Variants in NARS2 observed in about 807,000 individuals in gnomAD.
NARS2 encodes asparaginyl-tRNA synthetase.
A neutral mutation model predicts 62.9 loss-of-function variants in NARS2; 60 were observed. The ratio of observed to expected loss-of-function variants is 0.95; its 90% confidence interval spans 0.77 to 1.18. The LOEUF is 1.18. Ranked by LOEUF, NARS2 falls within the 50% of genes most tolerant of loss-of-function variation. NARS2 has a pLI of 0.00. For missense variants in NARS2, 619 were observed against 576.4 expected (o/e 1.07, Z -0.76); for synonymous variants, 196 against 200.0 (o/e 0.98, Z 0.17).
chr11:78,559,412 G>A, intron 5 of NARS2, 127 bp downstream of exon 5: 1 of 631,324 alleles, frequency 1.6e-6, no homozygotes, highest in African/African-American at 1.8e-5. Flanking sequence ...GTTTTTCAAG[G>A]ATTTTTATTG....
chr11:78,563,566 C>T (rs1856623366), intron 4 of NARS2, among the ~76,000 whole-genome samples: 1 of 151,174 alleles, frequency 6.6e-6, no homozygotes, highest in Non-Finnish European at 1.5e-5. Flanking sequence ...GGGTTGGTGG[C>T]TCACGCCCGC....
At chr11:78,527,579 C>G (rs1288608136) in intron 6 of NARS2, among the ~76,000 whole-genome samples, 2 of 152,236 alleles carry the variant, frequency 1.3e-5, no homozygotes, top group African/African-American at 4.8e-5. Context: ...CCACCACTGA[C>G]TTTCCATTCT....
At position 78,539,241 on chromosome 11, in the gene NARS2, G is replaced by T. The variant is rs117553116; in HGVS notation, c.595-10305C>A. On this transcript the variant is annotated intron_variant, in intron 5 of 13. Transcript: ENST00000281038. The stretch of plus-strand genomic sequence containing the variant: ...AGGGGCACCAATCAGAAGACAAGAA[G>T]AGTAGCTTGAATTAAACTGGTAACA... 9.2e-5 allele frequency among the ~76,000 whole-genome samples: 14 copies of T among 151,978 alleles called. No homozygotes were observed. The East Asian group carries it at 2.7e-3, about 30-fold the overall frequency.
intron 6 of NARS2, among the ~76,000 whole-genome samples, chr11:78,515,010 G>A (rs1266647230): frequency 6.6e-6 from 1 of 152,156 alleles, no homozygotes; most frequent in Non-Finnish European, 1.5e-5. Context: ...GGGGCCTTCA[G>A]TGGACAAGAG....
intron 7 of NARS2, among the ~76,000 whole-genome samples, chr11:78,483,143 T>G (rs1859429656): frequency 1.3e-5 from 2 of 152,218 alleles, no homozygotes; most frequent in South Asian, 2.1e-4. Context: ...AAAAACCACA[T>G]GATTACCTCA....
intron 5 of NARS2, among the ~76,000 whole-genome samples, chr11:78,549,732 G>C (rs892997839): frequency 1.3e-5 from 2 of 152,158 alleles, no homozygotes; most frequent in African/African-American, 4.8e-5. Flanking sequence ...TAAGAGGTGG[G>C]TGTGGTCAGG....
intron 9 of NARS2, among the ~76,000 whole-genome samples, chr11:78,471,183 T>A (rs1397348334): frequency 6.6e-6 from 1 of 152,168 alleles, no homozygotes; most frequent in African/African-American, 2.4e-5. Context: ...TAATAACGAT[T>A]TTAAAATTAG....
At chr11:78,469,455 T>A in intron 9 of NARS2, 142 bp from the exon 10 acceptor site, 1 of 624,764 alleles carries the variant, frequency 1.6e-6, no homozygotes, top group Non-Finnish European at 2.9e-6. Flanking sequence ...TCTAATCCTA[T>A]GAAAGAATGA....
At chr11:78,523,226 C>T (rs1222612448) in intron 6 of NARS2, among the ~76,000 whole-genome samples, 1 of 152,102 alleles carries the variant, frequency 6.6e-6, no homozygotes, top group East Asian at 1.9e-4. Context: ...ATGATGAAAA[C>T]CCATCATTAG....
chr11:78,505,723 T>G (rs555983022), intron 6 of NARS2, among the ~76,000 whole-genome samples: 1 of 152,198 alleles, frequency 6.6e-6, no homozygotes, highest in African/African-American at 2.4e-5. Context: ...AAAAAGTTTA[T>G]AGACTAGCAG....
intron 3 of NARS2, 114 bp downstream of exon 3, chr11:78,568,518 T>C (rs1856814207): frequency 7.7e-7 from 1 of 1,301,508 alleles, no homozygotes; most frequent in East Asian, 2.4e-5. Flanking sequence ...GTTTCAATTA[T>C]CTGTCACAAA....
chr11:78,449,353 G>A (rs1416477130), intron 11 of NARS2, among the ~76,000 whole-genome samples: 1 of 151,716 alleles, frequency 6.6e-6, no homozygotes, highest in African/African-American at 2.4e-5. Context: ...AGCCAGGATG[G>A]TCTCGGATCT....
At chr11:78,451,567 G>A (rs1857973526) in intron 11 of NARS2, among the ~76,000 whole-genome samples, 1 of 152,194 alleles carries the variant, frequency 6.6e-6, no homozygotes, top group Non-Finnish European at 1.5e-5. Context: ...TGGGCAGGCA[G>A]GTCTGTGGTT....
intron 11 of NARS2, among the ~76,000 whole-genome samples, chr11:78,459,223 ATCTGATGG>A (rs1169083658): frequency 2.1e-5 from 3 of 141,650 alleles, no homozygotes; most frequent in Non-Finnish European, 3.0e-5. Flanking sequence ...CAATCTGATG[ATCTGATGG>A]TGGTTTTTTT....
chr11:78,548,681 T>C (rs1444990269), intron 5 of NARS2, among the ~76,000 whole-genome samples: 1 of 152,208 alleles, frequency 6.6e-6, no homozygotes, highest in Non-Finnish European at 1.5e-5. Context: ...AGGATCGTGG[T>C]GGTAAAAAGT....
rs1264708926 is a variant in NARS2 at position 78,567,777 on chromosome 11, T to G, written c.372+855A>C. Among the ~76,000 whole-genome samples the G allele has an allele frequency of 4.6e-5, 7 of 152,352 alleles. No homozygotes were observed. In the South Asian group the frequency reaches 8.3e-4, roughly 18 times the overall value. On this transcript the variant is annotated intron_variant, in intron 3 of 13. Transcript: ENST00000281038. ...AAGAATACACAATGAATTAAAATGA[T>G]GCAATTTTCCTATATTTCCTCATTT...
chr11:78,493,165 C>CG lies in NARS2; in HGVS notation c.719dup (p.Thr241AspfsTer5). On this transcript the variant is annotated frameshift_variant, in exon 7 of 14. Coordinates refer to ENST00000281038, the MANE Select transcript of NARS2 (RefSeq NM_024678.6). LOFTEE classifies it high-confidence loss of function. ...TCTGAGAATTTTCAGCTCGGAAGGT[C>CG]GGACCAAAGGTAAACACTTGAGTAA... 6.2e-7 allele frequency: 1 copy of CG among 1,613,722 alleles called. No individual in the cohort carries two copies. The highest frequency in any genetic ancestry group is 8.5e-7 in the Non-Finnish European group (1 of 1,179,872).
intron 4 of NARS2, among the ~76,000 whole-genome samples, chr11:78,563,541 A>G (rs1281641034): frequency 1.3e-5 from 2 of 151,458 alleles, no homozygotes; most frequent in Non-Finnish European, 2.9e-5. Context: ...ATTTCATTTT[A>G]GTAATTTTTG....
At chr11:78,541,739 A>G (rs1855629430) in intron 5 of NARS2, among the ~76,000 whole-genome samples, 2 of 152,276 alleles carry the variant, frequency 1.3e-5, no homozygotes, top group South Asian at 2.1e-4. Flanking sequence ...GCAATCAATC[A>G]TAGGAACTAA....
Sources: allele counts gnomAD v4.1 joint callset (sites outside exome capture counted in the v4.1 genomes callset), GRCh38; gene constraint gnomAD v4.1.1; transcripts MANE v1.5; gene names NCBI Gene and HGNC (gene_info 2026-07-23, HGNC 2026-07-21).